The following ENPP6 variants were observed in gnomAD, a reference collection of about 807,000 sequenced individuals.
ENPP6 encodes glycerophosphocholine cholinephosphodiesterase ENPP6.
ENPP6 carries 32 observed loss-of-function variants against 42.0 expected under a neutral mutation model. The ratio of observed to expected loss-of-function variants is 0.76; its 90% confidence interval spans 0.58 to 1.02. The LOEUF is 1.02. Ranked by LOEUF, ENPP6 falls within the 50% of genes least tolerant of loss-of-function variation. The pLI is 0.00. For synonymous variants in ENPP6, 213 were observed against 216.0 expected, an observed-to-expected ratio of 0.99 and a Z score of 0.12; for missense variants, 552 against 566.8, an observed-to-expected ratio of 0.97 and a Z score of 0.27.
Position 184,144,332 on chromosome 4 carries a change from G to C in ENPP6, c.421+9222C>G, listed in dbSNP as rs1049347298. ...GAGTTGGGCTGGCACAGCTGGGAAG[G>C]CCAGCAGGAGCCCCAGCAGTGCCAG... On this transcript the variant is annotated intron_variant, in intron 2 of 7. Transcript: ENST00000296741. 2.6e-5 allele frequency among the ~76,000 whole-genome samples: 4 copies of C among 152,284 alleles called. No homozygotes were observed. In the East Asian group the frequency reaches 7.7e-4, roughly 29 times the overall value.
chr4:184,117,656 C>T, intron 4 of ENPP6, 103 bp downstream of exon 4: 1 of 1,535,860 alleles, frequency 6.5e-7, no homozygotes, highest in Non-Finnish European at 8.9e-7. Flanking sequence ...GCCCAATTGG[C>T]CTTTAGCAGT....
At position 184,116,873 on chromosome 4, in the gene ENPP6, G is replaced by C. The variant is rs748996220; in HGVS notation, c.838C>G (p.Pro280Ala). 3 of 1,613,646 alleles carry C rather than the reference G, an allele frequency of 1.9e-6. No homozygotes were observed. The East Asian group carries it at 6.7e-5, about 36-fold the overall frequency. ...RGPVVSLWPA[P>A]GKHSEIYNKL... Reference sequence around the variant, plus strand: ...TGTCTTGCCTCAGAGTGTTTCCCAGGGGCCGGCCAAAGGCTCACAACAGGC... The same window carrying C: ...TGTCTTGCCTCAGAGTGTTTCCCAGCGGCCGGCCAAAGGCTCACAACAGGC... Residue 280 changes from proline to alanine, a missense_variant, in exon 5 of 8, where the codon CCT (proline) becomes GCT (alanine). This residue lies in a region of ENPP6 where 545 missense variants were observed against 546.3 expected (regional missense o/e 1.00). Coordinates refer to ENST00000296741, the MANE Select transcript of ENPP6 (RefSeq NM_153343.4).
chr4:184,160,827 T>C (rs1255441533), intron 1 of ENPP6, among the ~76,000 whole-genome samples: 1 of 152,152 alleles, frequency 6.6e-6, no homozygotes, highest in Non-Finnish European at 1.5e-5. Context: ...CCAGGACATA[T>C]GTTGTCTAGA....
chr4:184,098,402 AT>A (rs1253497966), intron 6 of ENPP6, among the ~76,000 whole-genome samples: 1 of 152,126 alleles, frequency 6.6e-6, no homozygotes, highest in Non-Finnish European at 1.5e-5. Flanking sequence ...ATCTAATCAC[AT>A]TTCCTAGCAA....
intron 3 of ENPP6, among the ~76,000 whole-genome samples, chr4:184,122,904 C>A (rs1016708036): frequency 6.6e-6 from 1 of 152,232 alleles, no homozygotes; most frequent in African/African-American, 2.4e-5. Context: ...ATCTGCTACA[C>A]GTGCTGTGCT....
chr4:184,180,204 A>G (rs528349474), intron 1 of ENPP6, among the ~76,000 whole-genome samples: 2 of 152,216 alleles, frequency 1.3e-5, no homozygotes, highest in Non-Finnish European at 2.9e-5. Flanking sequence ...AGAAATACAT[A>G]CAACCATCAG....
At chr4:184,109,559 T>A (rs1579612910) in intron 6 of ENPP6, among the ~76,000 whole-genome samples, 1 of 152,310 alleles carries the variant, frequency 6.6e-6, no homozygotes, top group East Asian at 1.9e-4. Flanking sequence ...ATGGATAGTG[T>A]ATTAGTGAGC....
intron 1 of ENPP6, among the ~76,000 whole-genome samples, chr4:184,187,971 C>T (rs758446521): frequency 6.6e-6 from 1 of 152,156 alleles, no homozygotes; most frequent in Non-Finnish European, 1.5e-5. Flanking sequence ...GGGGATACAG[C>T]GCAGAACAAG....
At chr4:184,190,278 A>G (rs1355867066) in intron 1 of ENPP6, among the ~76,000 whole-genome samples, 1 of 152,256 alleles carries the variant, frequency 6.6e-6, no homozygotes, top group Non-Finnish European at 1.5e-5. Flanking sequence ...GAGTTTAAGT[A>G]TGGTGCCTTC....
chr4:184,216,632 C>T (rs2111129268), intron 1 of ENPP6: 1 of 152,328 alleles, frequency 6.6e-6, no homozygotes, highest in East Asian at 1.9e-4. Flanking sequence ...CCAGCAATAA[C>T]AGTGCATTCT....
chr4:184,183,093 T>C (rs1392595914), intron 1 of ENPP6, among the ~76,000 whole-genome samples: 1 of 151,930 alleles, frequency 6.6e-6, no homozygotes, highest in African/African-American at 2.4e-5. Context: ...AATATGAAAA[T>C]ATTTGAGAGC....
In ENPP6 at chr4:184,107,661, A is replaced by G. The variant is rs559744671; in HGVS notation, c.993+5011T>C. 5.9e-5 allele frequency among the ~76,000 whole-genome samples: 9 copies of G among 152,364 alleles called. No homozygotes were observed. The South Asian group carries it at 1.9e-3, about 32-fold the overall frequency. ...CTAGGTGTGGTGGCTCACGCCTGTA[A>G]TCCCAGCACTTTGGGAGGCTGAGGT... On this transcript the variant is annotated intron_variant, in intron 6 of 7. Transcript: ENST00000296741.
At chr4:184,190,571 G>A (rs1209306953) in intron 1 of ENPP6, among the ~76,000 whole-genome samples, 1 of 152,312 alleles carries the variant, frequency 6.6e-6, no homozygotes, top group East Asian at 1.9e-4. Context: ...AAGGAAAGCT[G>A]GCTAACTATT....
chr4:184,095,498 A>G (rs976718978), intron 7 of ENPP6, among the ~76,000 whole-genome samples: 6 of 152,006 alleles, frequency 3.9e-5, no homozygotes, highest in African/African-American at 1.4e-4. Flanking sequence ...CATCTCTAAG[A>G]AAAATATAAA....
chr4:184,161,245 T>C (rs1326410942), intron 1 of ENPP6, among the ~76,000 whole-genome samples: 1 of 151,972 alleles, frequency 6.6e-6, no homozygotes, highest in Non-Finnish European at 1.5e-5. Flanking sequence ...GAATAGACAA[T>C]TCTCAAAAGA....
chr4:184,101,214 A>C (rs1360048380), intron 6 of ENPP6, among the ~76,000 whole-genome samples: 1 of 151,024 alleles, frequency 6.6e-6, no homozygotes, highest in Admixed American at 6.6e-5. Flanking sequence ...TGAGTGCATG[A>C]GTGTAAGCAT....
chr4:184,096,901 C>T (rs544548195), intron 7 of ENPP6, among the ~76,000 whole-genome samples: 69 of 152,086 alleles, frequency 4.5e-4, no homozygotes, highest in African/African-American at 1.4e-3. Flanking sequence ...CGGTCAGCAA[C>T]CTGGTGTCCA....
chr4:184,216,060 G>C (rs1733189510), intron 1 of ENPP6, among the ~76,000 whole-genome samples: 1 of 152,218 alleles, frequency 6.6e-6, no homozygotes, highest in Non-Finnish European at 1.5e-5. Flanking sequence ...TAAGATTGCA[G>C]AAGCTGCACG....
intron 2 of ENPP6, among the ~76,000 whole-genome samples, chr4:184,142,447 G>A (rs1270229887): frequency 6.6e-6 from 1 of 152,268 alleles, no homozygotes; most frequent in Non-Finnish European, 1.5e-5. Context: ...GTCCTTGGGG[G>A]AAAGCATGGC....
Sources: allele counts gnomAD v4.1 joint callset (sites outside exome capture counted in the v4.1 genomes callset), GRCh38; gene constraint gnomAD v4.1.1; regional missense constraint gnomAD v4.1.1; transcripts MANE v1.5; gene names NCBI Gene and HGNC (gene_info 2026-07-23, HGNC 2026-07-21).